CTNND2: variants seen among roughly 807,000 people sequenced by gnomAD.
The protein encoded by CTNND2 is catenin delta 2.
Under a neutral mutation model 144.4 loss-of-function variants are expected in CTNND2, and 22 were observed. The observed-to-expected ratio is 0.15, with a 90% confidence interval of 0.11 to 0.22. CTNND2 has a LOEUF of 0.22. CTNND2 is among the 10% of genes least tolerant of loss of function. The pLI, the probability that CTNND2 is intolerant of heterozygous loss-of-function variation, is 1.00. For synonymous variants in CTNND2, 751 were observed against 695.6 expected (o/e 1.08, Z -1.25); for missense variants, 1,353 against 1,618.8 (o/e 0.84, Z 2.82).
chr5:11,714,749 AC>A (rs1786254656), intron 2 of CTNND2, among the ~76,000 whole-genome samples: 2 of 152,088 alleles, frequency 1.3e-5, no homozygotes, highest in Admixed American at 1.3e-4. Flanking sequence ...TACTAAAAAT[AC>A]AAAAAAAAAT....
At chr5:11,877,525 T>G (rs1735654586) in intron 1 of CTNND2, among the ~76,000 whole-genome samples, 1 of 152,152 alleles carries the variant, frequency 6.6e-6, no homozygotes, top group South Asian at 2.1e-4. Context: ...AAGAACCATA[T>G]TTTGAAATAT....
intron 9 of CTNND2, among the ~76,000 whole-genome samples, chr5:11,246,358 T>C (rs541163832): frequency 6.6e-6 from 1 of 151,992 alleles, no homozygotes; most frequent in African/African-American, 2.4e-5. Flanking sequence ...TCAGACTGGA[T>C]TGGGGTGGCC....
At chr5:11,098,486 G>A in intron 15 of CTNND2, 89 bp downstream of exon 15, 1 of 1,153,202 alleles carries the variant, frequency 8.7e-7, no homozygotes, top group Non-Finnish European at 1.2e-6. Context: ...CTTTATTAGA[G>A]TTGCATTTCT....
intron 1 of CTNND2, among the ~76,000 whole-genome samples, chr5:11,756,446 T>C (rs980138222): frequency 1.3e-5 from 2 of 151,646 alleles, no homozygotes; most frequent in African/African-American, 2.4e-5. Flanking sequence ...GCTTAACACA[T>C]TGAAAAATTA....
intron 18 of CTNND2, among the ~76,000 whole-genome samples, chr5:11,000,449 A>T (rs921550440): frequency 6.6e-6 from 1 of 152,168 alleles, no homozygotes; most frequent in African/African-American, 2.4e-5. Flanking sequence ...TGAAACCGTA[A>T]GGCAGAGGTT....
intron 8 of CTNND2, among the ~76,000 whole-genome samples, chr5:11,354,208 G>A (rs1323495112): frequency 6.6e-6 from 1 of 152,196 alleles, no homozygotes; most frequent in South Asian, 2.1e-4. Flanking sequence ...CTAGTTTGGT[G>A]AGAACAGAAT....
chr5:11,283,261 G>A (rs1462064453), intron 9 of CTNND2, among the ~76,000 whole-genome samples: 1 of 152,070 alleles, frequency 6.6e-6, no homozygotes, highest in Non-Finnish European at 1.5e-5. Context: ...GAAATCACTT[G>A]CCCATGCCCA....
At chr5:11,404,812 G>T (rs1760957457) in intron 5 of CTNND2, among the ~76,000 whole-genome samples, 1 of 151,738 alleles carries the variant, frequency 6.6e-6, no homozygotes, top group Non-Finnish European at 1.5e-5. Flanking sequence ...GTTTCACCAT[G>T]TTGGTCAGGC....
At chr5:11,169,410 T>C (rs965497534) in intron 11 of CTNND2, among the ~76,000 whole-genome samples, 1 of 152,208 alleles carries the variant, frequency 6.6e-6, no homozygotes, top group African/African-American at 2.4e-5. Context: ...GGATGGCTAA[T>C]GTCATCTTTG....
intron 18 of CTNND2, among the ~76,000 whole-genome samples, chr5:11,011,273 G>C (rs779321494): frequency 8.5e-5 from 13 of 152,128 alleles, no homozygotes; most frequent in Non-Finnish European, 1.3e-4. Context: ...GAGTGCAGTG[G>C]TGTGATCTCT....
intron 2 of CTNND2, among the ~76,000 whole-genome samples, chr5:11,712,889 A>C (rs1168067631): frequency 6.6e-6 from 1 of 152,162 alleles, no homozygotes; most frequent in African/African-American, 2.4e-5. Flanking sequence ...CCATAGTGAA[A>C]ATGGGGATAT....
Position 10,996,232 on chromosome 5 carries a change from C to T in CTNND2, c.3085-3555G>A, listed in dbSNP as rs189542580. ...CTTGGAGAGAGACAAGGGAACGTCA[C>T]GGAAGCTAAGCCCAGTAGGGAGGAA... is the stretch of plus-strand genomic sequence containing the variant. On this transcript the variant is annotated intron_variant, in intron 18 of 21. Coordinates refer to ENST00000304623, the MANE Select transcript of CTNND2 (RefSeq NM_001332.4). 4.1e-3 allele frequency among the ~76,000 whole-genome samples: 621 copies of T among 152,238 alleles called. 1 individual carries two copies. Among genetic ancestry groups the T allele is most frequent in the East Asian group, 6.0e-3 (31 of 5,174 alleles).
chr5:11,283,393 C>T (rs1311590578), intron 9 of CTNND2, among the ~76,000 whole-genome samples: 2 of 151,864 alleles, frequency 1.3e-5, no homozygotes, highest in Admixed American at 6.6e-5. Context: ...AGGAGGGAAT[C>T]GGCTGGGCGC....
chr5:11,755,610 C>G (rs1788885688), intron 1 of CTNND2, among the ~76,000 whole-genome samples: 1 of 149,534 alleles, frequency 6.7e-6, no homozygotes, highest in Non-Finnish European at 1.5e-5. Flanking sequence ...TTTACATAAT[C>G]CCATATTTCT....
intron 3 of CTNND2, among the ~76,000 whole-genome samples, chr5:11,462,713 T>C (rs1051197199): frequency 6.6e-6 from 1 of 152,138 alleles, no homozygotes; most frequent in African/African-American, 2.4e-5. Flanking sequence ...AGTAACTTAC[T>C]TTTATGTTAT....
At position 11,218,191 on chromosome 5, in the gene CTNND2, A is replaced by G. The variant is rs1365881578; in HGVS notation, c.1761+18500T>C. On this transcript the variant is annotated intron_variant, in intron 10 of 21. Transcript: ENST00000304623. ...GATCCAAGGAGTTGTACCAAGTGTTATATTTCTTACTCATTTCAGGGTAGC... is the reference window on the plus strand; with the variant it reads ...GATCCAAGGAGTTGTACCAAGTGTTGTATTTCTTACTCATTTCAGGGTAGC... Among the ~76,000 whole-genome samples, 6 of 152,128 alleles carry G rather than the reference A, an allele frequency of 3.9e-5. 1 individual carries two copies. The highest frequency in any genetic ancestry group is 2.6e-4 in the Admixed American group (4 of 15,276).
chr5:11,490,729 T>C (rs1052385332), intron 3 of CTNND2, among the ~76,000 whole-genome samples: 8 of 152,208 alleles, frequency 5.3e-5, no homozygotes, highest in East Asian at 1.9e-4. Flanking sequence ...TATTAATGAA[T>C]ATATCAGGAT....
chr5:11,823,698 C>T (rs374710533), intron 1 of CTNND2, among the ~76,000 whole-genome samples: 3 of 152,180 alleles, frequency 2.0e-5, no homozygotes, highest in Admixed American at 6.6e-5. Context: ...TAAAAGGTTT[C>T]TAGGCCATTA....
At chr5:11,644,762 G>A (rs1054864442) in intron 2 of CTNND2, among the ~76,000 whole-genome samples, 2 of 151,804 alleles carry the variant, frequency 1.3e-5, no homozygotes, top group Non-Finnish European at 2.9e-5. Flanking sequence ...AATCTGTCAT[G>A]ACTGCCCACT....
Sources: gnomAD v4.1 joint callset for allele counts (sites outside exome capture counted in the v4.1 genomes callset) on GRCh38, gnomAD v4.1.1 for gene constraint, MANE v1.5 for transcripts, NCBI Gene and HGNC (gene_info 2026-07-23, HGNC 2026-07-21) for gene names.